Variants in CDH18 observed in about 807,000 individuals in gnomAD.
CDH18 encodes cadherin-18.
A neutral mutation model predicts 67.9 loss-of-function variants in CDH18; 31 were observed. The ratio of observed to expected loss-of-function variants is 0.46; its 90% CI spans 0.34 to 0.62. CDH18 has a LOEUF of 0.62. Among genes scored for constraint, CDH18 ranks in the 20% least tolerant of loss-of-function variants. CDH18 has a pLI of 0.01. For missense variants in CDH18, 890 were observed against 975.5 expected, an observed-to-expected ratio of 0.91 and a Z score of 1.17; for synonymous variants, 362 against 347.2, an observed-to-expected ratio of 1.04 and a Z score of -0.48.
At chr5:20,326,910 C>T (rs900675874) in intron 1 of CDH18, among the ~76,000 whole-genome samples, 2 of 152,090 alleles carry the variant, frequency 1.3e-5, no homozygotes, top group Admixed American at 6.6e-5. Flanking sequence ...AATAATTGCA[C>T]GATCTAGTTA....
At chr5:19,512,108 A>G (rs956825695) in intron 10 of CDH18, among the ~76,000 whole-genome samples, 3 of 152,152 alleles carry the variant, frequency 2.0e-5, no homozygotes, top group Admixed American at 6.6e-5. Flanking sequence ...TTCAGAGAAA[A>G]TAAGTATCAA....
intron 1 of CDH18, among the ~76,000 whole-genome samples, chr5:20,503,335 T>C (rs1291382828): frequency 6.6e-6 from 1 of 152,152 alleles, no homozygotes; most frequent in Non-Finnish European, 1.5e-5. Flanking sequence ...GAGGCTCTTA[T>C]ATAATTATGA....
intron 5 of CDH18, among the ~76,000 whole-genome samples, chr5:19,694,168 A>G (rs1033335932): frequency 9.9e-5 from 15 of 152,152 alleles, no homozygotes; most frequent in Admixed American, 4.6e-4. Flanking sequence ...TCAATAGTGT[A>G]TGTATCTTTA....
intron 5 of CDH18, among the ~76,000 whole-genome samples, chr5:19,639,856 T>C (rs1168348699): frequency 6.6e-6 from 1 of 152,216 alleles, no homozygotes; most frequent in Non-Finnish European, 1.5e-5. Flanking sequence ...AAAGGTATAA[T>C]TTTGAAAGCA....
At chr5:20,304,455 A>C (rs1736237784) in intron 1 of CDH18, 2 of 1,530,792 alleles carry the variant, frequency 1.3e-6, no homozygotes, top group Non-Finnish European at 1.8e-6. Context: ...CCACCTTTGC[A>C]TTCACCACTG....
intron 5 of CDH18, among the ~76,000 whole-genome samples, chr5:19,721,015 T>C (rs910039321): frequency 6.6e-6 from 1 of 152,182 alleles, no homozygotes. Context: ...GCAAATAATA[T>C]ATTTGAAAAT....
chr5:20,032,066 C>T (rs1048102858), intron 2 of CDH18, among the ~76,000 whole-genome samples: 1 of 151,940 alleles, frequency 6.6e-6, no homozygotes, highest in African/African-American at 2.4e-5. Context: ...ATATAAGCCC[C>T]TTTTAAAAAG....
intron 2 of CDH18, among the ~76,000 whole-genome samples, chr5:20,153,668 G>GCTT (rs909026324): frequency 4.6e-5 from 7 of 152,154 alleles, no homozygotes; most frequent in Non-Finnish European, 8.8e-5. Flanking sequence ...TTCTAGAAAG[G>GCTT]CTTCTCTTCC....
chr5:19,625,029 G>C (rs1751301635), intron 5 of CDH18, among the ~76,000 whole-genome samples: 1 of 150,192 alleles, frequency 6.7e-6, no homozygotes. Context: ...ATTCTAGGAA[G>C]GGCAGATTAG....
intron 2 of CDH18, among the ~76,000 whole-genome samples, chr5:20,230,321 T>C (rs1167186603): frequency 6.6e-6 from 1 of 152,128 alleles, no homozygotes; most frequent in Admixed American, 6.5e-5. Flanking sequence ...AAAATGAAAT[T>C]GGTCACTCTG....
chr5:20,458,661 T>A (rs1005854823), intron 1 of CDH18, among the ~76,000 whole-genome samples: 3 of 152,138 alleles, frequency 2.0e-5, no homozygotes, highest in African/African-American at 7.2e-5. Context: ...ATGTATTCTA[T>A]TGCTATTTTA....
chr5:20,440,051 A>C (rs1206149770), intron 1 of CDH18, among the ~76,000 whole-genome samples: 1 of 151,830 alleles, frequency 6.6e-6, no homozygotes, highest in Non-Finnish European at 1.5e-5. Flanking sequence ...TAAATTAATA[A>C]ATTTGTGAAT....
chr5:20,428,659 C>T lies in CDH18; in HGVS notation c.-580+146803G>A, dbSNP rs114519916. Among the ~76,000 whole-genome samples the T allele has an allele frequency of 5.6e-3, 851 of 152,222 alleles. 3 individuals carry two copies. The highest frequency in any genetic ancestry group is 9.7e-3 in the Non-Finnish European group (663 of 68,022). On this transcript the variant is annotated intron_variant, in intron 1 of 14. Coordinates refer to the CDH18 transcript ENST00000507958. ...TTTTAACTGGCGTGAGATGGTATCTCGTCGTGGTTTTGATTTGCACTTCTC... is the reference window on the plus strand; with the variant it reads ...TTTTAACTGGCGTGAGATGGTATCTTGTCGTGGTTTTGATTTGCACTTCTC...
intron 10 of CDH18, among the ~76,000 whole-genome samples, chr5:19,503,591 T>C (rs1176011421): frequency 6.6e-6 from 1 of 152,138 alleles, no homozygotes; most frequent in African/African-American, 2.4e-5. Context: ...CTAGTCCCTG[T>C]ATGTTACAGA....
At chr5:19,531,640 A>G (rs960740553) in intron 9 of CDH18, among the ~76,000 whole-genome samples, 1 of 143,824 alleles carries the variant, frequency 7.0e-6, no homozygotes, top group Non-Finnish European at 1.6e-5. Context: ...CACACACACA[A>G]ACAAAATTGG....
intron 5 of CDH18, among the ~76,000 whole-genome samples, chr5:19,625,340 A>G (rs1037942670): frequency 4.0e-5 from 6 of 151,190 alleles, no homozygotes; most frequent in Non-Finnish European, 7.4e-5. Flanking sequence ...TTTCCCCACT[A>G]GAACAAAAGC....
At chr5:20,472,827 A>G (rs1042863050) in intron 1 of CDH18, among the ~76,000 whole-genome samples, 18 of 152,322 alleles carry the variant, frequency 1.2e-4, no homozygotes, top group South Asian at 8.3e-4. Context: ...TTTGATAAAT[A>G]CATGCATCCC....
chr5:20,157,842 A>G (rs1020849405), intron 2 of CDH18, among the ~76,000 whole-genome samples: 11 of 152,030 alleles, frequency 7.2e-5, no homozygotes, highest in South Asian at 2.1e-4. Context: ...GGGTTTCACC[A>G]TGTTGGCCAG....
intron 2 of CDH18, among the ~76,000 whole-genome samples, chr5:19,840,298 A>T (rs1192931068): frequency 2.6e-5 from 4 of 151,528 alleles, no homozygotes; most frequent in Non-Finnish European, 5.9e-5. Context: ...GAAAAAAAAA[A>T]AAACAACACG....
Sources: allele counts gnomAD v4.1 joint callset (sites outside exome capture counted in the v4.1 genomes callset), GRCh38; gene constraint gnomAD v4.1.1; transcripts MANE v1.5; gene names NCBI Gene and HGNC (gene_info 2026-07-23, HGNC 2026-07-21).